The following LAX1 variants were observed in gnomAD, a reference collection of about 807,000 sequenced individuals.
LAX1 encodes lymphocyte transmembrane adaptor 1.
In LAX1, 17 loss-of-function variants were observed where a neutral mutation model predicts 20.7. The ratio of observed to expected loss-of-function variants is 0.82; its 90% CI spans 0.56 to 1.23. LAX1 has a LOEUF of 1.23. LAX1 is among the 50% of genes most tolerant of loss of function. LAX1 has a pLI of 0.00. For synonymous variants in LAX1, 165 were observed against 181.0 expected (o/e 0.91, Z 0.71); for missense variants, 470 against 487.0 (o/e 0.97, Z 0.33).
chr1:203,772,689 G>A (rs1475418022), intron 4 of LAX1, among the ~76,000 whole-genome samples: 1 of 150,892 alleles, frequency 6.6e-6, no homozygotes, highest in Non-Finnish European at 1.5e-5. Flanking sequence ...GCCTCCCAAA[G>A]TGCTGAGATT....
chr1:203,765,251 C>G lies in LAX1; in HGVS notation c.-315C>G. On this transcript the variant is annotated 5_prime_UTR_variant, in exon 1 of 5. Coordinates refer to ENST00000442561, the MANE Select transcript of LAX1 (RefSeq NM_017773.4). ...CTCTCTTGAGCCTCTTGGCAGTTTC[C>G]CCCTCTGTGCCCCTCACGTTTCCAC... 2.6e-6 allele frequency: 3 copies of G among 1,169,010 alleles called. No individual in the cohort carries two copies. The highest frequency in any genetic ancestry group is 3.7e-6 in the Non-Finnish European group (3 of 802,378). The allele number at this position is 1,169,010 out of a possible 1,614,324, so 72.4% of individuals were successfully genotyped here.
chr1:203,768,172 G>A (rs541970440), intron 1 of LAX1, among the ~76,000 whole-genome samples: 87 of 152,174 alleles, frequency 5.7e-4, no homozygotes, highest in East Asian at 5.6e-3. Flanking sequence ...TTAGCCAGGC[G>A]TGGTGGTGCG....
At chr1:203,771,929 A>C (rs1667428905) in intron 3 of LAX1, 139 bp from the exon 4 acceptor site, 2 of 694,620 alleles carry the variant, frequency 2.9e-6, no homozygotes, top group African/African-American at 3.5e-5. Context: ...CTCTGACCTC[A>C]GAACATGAGA....
intron 1 of LAX1, among the ~76,000 whole-genome samples, chr1:203,770,481 G>GA (rs1667392739): frequency 5.1e-5 from 3 of 58,942 alleles, no homozygotes; most frequent in Admixed American, 2.6e-4. Flanking sequence ...AAGGAAGGAA[G>GA]GAAGGAAGGA....
In LAX1 at chr1:203,772,257, G is replaced by T. The variant is rs1667434959; in HGVS notation, c.390+110G>T. 3.7e-6 allele frequency: 3 copies of T among 811,130 alleles called. No homozygotes were observed. In the Admixed American group the frequency reaches 6.1e-5, roughly 16 times the overall value. 50.2% of individuals were successfully genotyped at this position (811,130 alleles called of 1,614,324 possible). A position where few individuals can be genotyped will look rare whatever the true frequency, so the allele number is the denominator to read the frequency against. ...ACTGCAAACAAACAGCATGCCCTTT[G>T]GCACTCGCCCTGCAGTCCTATTAAT... On this transcript the variant is annotated intron_variant, in intron 4 of 4. Coordinates refer to ENST00000442561, the MANE Select transcript of LAX1 (RefSeq NM_017773.4).
Position 203,765,441 on chromosome 1 carries a change from GTA to G in LAX1, c.-124_-123del. The G allele has an allele frequency of 6.4e-7, 1 of 1,555,148 alleles. No homozygotes were observed. Among genetic ancestry groups the G allele is most frequent in the Non-Finnish European group, 8.7e-7 (1 of 1,148,410 alleles). On this transcript the variant is annotated 5_prime_UTR_variant, in exon 1 of 5. An upstream open reading frame in the 5' UTR loses its in-frame stop. Coordinates refer to ENST00000442561, the MANE Select transcript of LAX1 (RefSeq NM_017773.4). ...GTCAACTTGGCCTGACGTTTCAGAG[GTA>G]GACACGAGATAGGGAGTTTGTTGCG... is the stretch of plus-strand genomic sequence containing the variant.
chr1:203,772,237 A>G, intron 4 of LAX1, 90 bp downstream of exon 4: 1 of 1,019,720 alleles, frequency 9.8e-7, no homozygotes, highest in Admixed American at 1.9e-5. Context: ...GTTTCACTGC[A>G]AACAAACAGC....
At chr1:203,767,303 C>CTTTTT (rs755164305) in intron 1 of LAX1, among the ~76,000 whole-genome samples, 10,184 of 89,934 alleles carry the variant, frequency 0.11, 1,143 homozygotes, top group East Asian at 0.31. Context: ...CTCTCCACTT[C>CTTTTT]TTTTTTTTTT....
intron 2 of LAX1, 64 bp from the exon 3 acceptor site, chr1:203,771,303 T>A: frequency 2.0e-6 from 2 of 1,005,466 alleles, no homozygotes; most frequent in Non-Finnish European, 3.2e-6. Context: ...CTCATTCCCA[T>A]GAGTCTCTTC....
rs1667499929 is a variant in LAX1, at chr1:203,775,691, A to G, written c.*1010A>G. On this transcript the variant is annotated 3_prime_UTR_variant, in exon 5 of 5. Coordinates refer to ENST00000442561, the MANE Select transcript of LAX1 (RefSeq NM_017773.4). ...TAACCCAGATATCCTTCAACAGGTGATTGGATAAGCTGTTGATATCCATTC... is the reference window on the plus strand; with the variant it reads ...TAACCCAGATATCCTTCAACAGGTGGTTGGATAAGCTGTTGATATCCATTC... The G allele has an allele frequency of 6.6e-6, 1 of 152,228 alleles. No homozygotes were observed. The allele number at this position is 152,228 out of a possible 1,614,324, so 9.4% of individuals were successfully genotyped here.
Position 203,772,129 on chromosome 1 carries a change from T to A in LAX1, c.372T>A (p.Ser124=), listed in dbSNP as rs1030916165. The part of the protein sequence containing the change: ...FSTESLLSRN[S]ESPEHVPSQA... ...CTGAGAGCCTCCTCTCCAGAAATTC[T>A]GAGAGCCCGGAGCATGTGGTAAGAG... The change falls in exon 4 of 5, where the codon TCT becomes TCA. Residue 124 remains serine (S), a synonymous_variant. Coordinates refer to ENST00000442561, the MANE Select transcript of LAX1 (RefSeq NM_017773.4). 6.2e-7 allele frequency: 1 copy of A among 1,613,596 alleles called. No homozygotes were observed. Among genetic ancestry groups the A allele is most frequent in the Non-Finnish European group, 8.5e-7 (1 of 1,179,462 alleles).
In LAX1 at chr1:203,773,999, A is replaced by C. The variant is rs1486694078; in HGVS notation, c.515A>C (p.His172Pro). Residue 172 changes from histidine to proline, a missense_variant, in exon 5 of 5, where the codon CAC (histidine) becomes CCC (proline). Transcript: ENST00000442561. ...TGTGGGAACCTCACTCCCTCGGCAC[A>C]CTGCATCAATGTCAGAGCTTCCAGA... is the stretch of plus-strand genomic sequence containing the variant. ...QMCGNLTPSA[H>P]CINVRASRDC... 2 of 1,613,944 alleles carry C rather than the reference A, an allele frequency of 1.2e-6. No individual in the cohort carries two copies. Among genetic ancestry groups the C allele is most frequent in the Admixed American group, 1.7e-5 (1 of 59,984 alleles).
chr1:203,772,286 T>C (rs551621149), intron 4 of LAX1, 139 bp downstream of exon 4: 256 of 673,958 alleles, frequency 3.8e-4, no homozygotes, highest in Middle Eastern at 7.1e-4. Flanking sequence ...TATTAATAAA[T>C]TGGGAAGACT....
intron 1 of LAX1, among the ~76,000 whole-genome samples, chr1:203,767,165 A>G (rs1439000577): frequency 2.0e-5 from 3 of 150,990 alleles, no homozygotes; most frequent in Non-Finnish European, 4.4e-5. Flanking sequence ...TGGACCATCA[A>G]CACATTTTTA....
rs778254191 is a variant in LAX1, at chr1:203,774,465, T to C, written c.981T>C (p.Asp327=). 7.6e-5 allele frequency: 122 copies of C among 1,614,092 alleles called. No homozygotes were observed. The highest frequency in any genetic ancestry group is 1.7e-6 in the Non-Finnish European group (2 of 1,180,052). Reference sequence around the variant, plus strand: ...GTCATGTCGAGGACAAGACAGATGATCCCGGGACCCATGTCCAATGTGTCA... The same window carrying C: ...GTCATGTCGAGGACAAGACAGATGACCCCGGGACCCATGTCCAATGTGTCA... The part of the protein sequence containing the change: ...NIGHVEDKTD[D]PGTHVQCVKR... The change falls in exon 5 of 5, where the codon GAT becomes GAC. Residue 327 remains aspartate (D), a synonymous_variant. Transcript: ENST00000442561.
chr1:203,770,974 G>A (rs1370589898), intron 2 of LAX1, 37 bp downstream of exon 2: 1 of 1,468,862 alleles, frequency 6.8e-7, no homozygotes, highest in South Asian at 1.1e-5. Flanking sequence ...AGACACAGTA[G>A]GATTATTAAT....
chr1:203,765,377 C>T lies in LAX1; in HGVS notation c.-189C>T, dbSNP rs367664780. 1.9e-5 allele frequency: 30 copies of T among 1,551,646 alleles called. No individual in the cohort carries two copies. In the African/African-American group the frequency reaches 3.6e-4, roughly 18 times the overall value. On this transcript the variant is annotated 5_prime_UTR_variant, in exon 1 of 5. It adds an upstream start codon to the 5' untranslated region. Coordinates refer to ENST00000442561, the MANE Select transcript of LAX1 (RefSeq NM_017773.4). ...CACTTCCTGCAGTGGGCATTAGCCA[C>T]GTCCAGGTAGAACCAAACCTGTTGC...
rs753807555 is a variant in LAX1, at chr1:203,774,111, C to T, written c.627C>T (p.Thr209=). 6.2e-7 allele frequency: 1 copy of T among 1,614,154 alleles called. No individual in the cohort carries two copies. Among genetic ancestry groups the T allele is most frequent in the South Asian group, 1.1e-5 (1 of 91,072 alleles). The change falls in exon 5 of 5, where the codon ACC becomes ACT. Residue 209 remains threonine (T), a synonymous_variant. Coordinates refer to ENST00000442561, the MANE Select transcript of LAX1 (RefSeq NM_017773.4). Reference sequence around the variant, plus strand: ...AGATTGCTGAGACTCTAGCTTCTACCAAAAGCCCTTCCAGAAATCTCTTTG... The same window carrying T: ...AGATTGCTGAGACTCTAGCTTCTACTAAAAGCCCTTCCAGAAATCTCTTTG... The part of the protein sequence containing the change: ...AEEIAETLAS[T]KSPSRNLFVL...
At chr1:203,770,510 G>GAAGAAAGAAAGAAAGAAAGAAAGAAAGA (rs1326354763) in intron 1 of LAX1, among the ~76,000 whole-genome samples, 3 of 16,886 alleles carry the variant, frequency 1.8e-4, no homozygotes, top group Non-Finnish European at 2.4e-4. Context: ...AGGAAGGAAG[G>GAAGAAAGAAAGAAAGAAAGAAAGAAAGA]AAGAAAGAAA....
Sources: gnomAD v4.1 joint callset for allele counts (sites outside exome capture counted in the v4.1 genomes callset) on GRCh38, gnomAD v4.1.1 for gene constraint, MANE v1.5 for transcripts, NCBI Gene and HGNC (gene_info 2026-07-23, HGNC 2026-07-21) for gene names.